Variants in FMNL2 observed in about 807,000 individuals in gnomAD.
FMNL2 encodes formin like 2.
A neutral mutation model predicts 130.2 loss-of-function variants in FMNL2; 51 were observed. The ratio of observed to expected loss-of-function variants is 0.39; its 90% CI spans 0.31 to 0.49. The LOEUF (loss-of-function observed/expected upper bound fraction) is 0.49, where lower values mean the gene tolerates loss of function less well. FMNL2 is among the 20% of genes least tolerant of loss of function. The pLI is 0.85. For synonymous variants in FMNL2, 465 were observed against 467.1 expected (o/e 1.00, Z 0.06); for missense variants, 977 against 1,316.2 (o/e 0.74, Z 3.99).
intron 25 of FMNL2, among the ~76,000 whole-genome samples, chr2:152,646,184 T>G (rs572396871): frequency 2.3e-4 from 34 of 147,744 alleles, no homozygotes; most frequent in African/African-American, 7.6e-4. Context: ...ACAAACAAAG[T>G]TAGCCAGGCA....
intron 25 of FMNL2, 142 bp downstream of exon 25, chr2:152,641,056 G>T (rs1363641340): frequency 1.8e-6 from 2 of 1,117,454 alleles, no homozygotes; most frequent in East Asian, 2.5e-5. Flanking sequence ...GTGATGCAGA[G>T]AGGCTTTGAA....
intron 1 of FMNL2, among the ~76,000 whole-genome samples, chr2:152,369,869 G>T (rs892403839): frequency 3.3e-5 from 5 of 152,190 alleles, no homozygotes; most frequent in Non-Finnish European, 7.3e-5. Flanking sequence ...TTATTTATAT[G>T]CATTTCCTTG....
intron 21 of FMNL2, among the ~76,000 whole-genome samples, chr2:152,632,699 G>C (rs1238385411): frequency 1.3e-5 from 2 of 152,190 alleles, no homozygotes; most frequent in African/African-American, 4.8e-5. Flanking sequence ...GAGGTTAAAT[G>C]TCTTGCCCAA....
intron 6 of FMNL2, among the ~76,000 whole-genome samples, chr2:152,562,214 C>T (rs1257035466): frequency 6.6e-6 from 1 of 152,130 alleles, no homozygotes; most frequent in African/African-American, 2.4e-5. Context: ...ACCTTCATTC[C>T]AAAATGTTGC....
At chr2:152,549,955 T>C (rs1471738344) in intron 4 of FMNL2, among the ~76,000 whole-genome samples, 1 of 152,232 alleles carries the variant, frequency 6.6e-6, no homozygotes, top group East Asian at 1.9e-4. Flanking sequence ...TGACATTCTT[T>C]GCAAGTCTAT....
chr2:152,626,380 AAAC>A, intron 16 of FMNL2, 142 bp from the exon 17 acceptor site: 6 of 688,234 alleles, frequency 8.7e-6, no homozygotes, highest in Non-Finnish European at 1.5e-5. Flanking sequence ...ACTATAACAA[AAAC>A]AAGAAAAATA....
At position 152,637,590 on chromosome 2, in the gene FMNL2, T is replaced by C. The variant is rs1682729564; in HGVS notation, c.2862T>C (p.Val954=). ...AKIAQDAFDD[V]VKYFGENPKT... ...CTTCACAGGATGCCTTTGATGATGTTGTGAAGTATTTTGGAGAAAACCCCA... is the reference window on the plus strand; with the variant it reads ...CTTCACAGGATGCCTTTGATGATGTCGTGAAGTATTTTGGAGAAAACCCCA... Residue 954 remains valine (V), a synonymous_variant, in exon 23 of 26, where the codon GTT becomes GTC. Coordinates refer to ENST00000288670, the MANE Select transcript of FMNL2 (RefSeq NM_052905.4). 6.2e-7 allele frequency: 1 copy of C among 1,613,996 alleles called. No individual in the cohort carries two copies. Among genetic ancestry groups the C allele is most frequent in the Non-Finnish European group, 8.5e-7 (1 of 1,179,876 alleles).
chr2:152,543,842 A>G (rs912995726), intron 3 of FMNL2, among the ~76,000 whole-genome samples: 5 of 151,812 alleles, frequency 3.3e-5, no homozygotes, highest in African/African-American at 1.2e-4. Context: ...AATAAAATCT[A>G]GTAGTGATGA....
At chr2:152,355,664 C>G (rs548357653) in intron 1 of FMNL2, among the ~76,000 whole-genome samples, 1 of 152,176 alleles carries the variant, frequency 6.6e-6, no homozygotes, top group Non-Finnish European at 1.5e-5. Flanking sequence ...TTTGTACAGG[C>G]CTTCTTTCCT....
rs1314991139 is a variant in FMNL2, at chr2:152,561,003, T to C, written c.564T>C (p.Ser188=). 1 of 1,603,208 alleles carries C rather than the reference T, an allele frequency of 6.2e-7. No homozygotes were observed. Among genetic ancestry groups the C allele is most frequent in the Admixed American group, 1.7e-5 (1 of 58,338 alleles). The part of the protein sequence containing the change: ...GSNLPSPVGN[S]VSRSGRHSAL... ...ACCTGCCCTCACCTGTGGGCAACAG[T>C]GTCTCCCGCTCTGGAAGACATTCTG... The change falls in exon 6 of 26, where the codon AGT becomes AGC. Residue 188 remains serine, a synonymous_variant. Transcript: ENST00000288670.
At position 152,340,344 on chromosome 2, in the gene FMNL2, C is replaced by T. The variant is rs1309361570; in HGVS notation, c.117+4624C>T. Among the ~76,000 whole-genome samples the T allele has an allele frequency of 3.3e-5, 5 of 152,278 alleles. No homozygotes were observed. The East Asian group carries it at 5.8e-4, about 18-fold the overall frequency. On this transcript the variant is annotated intron_variant, in intron 1 of 25. Transcript: ENST00000288670. ...GAACTGGGAAGAAAAAAAGGGCCTG[C>T]GACTAGCAGTAAAAAATTCCTGTCT...
At chr2:152,493,477 A>G (rs1691327460) in intron 1 of FMNL2, among the ~76,000 whole-genome samples, 2 of 152,212 alleles carry the variant, frequency 1.3e-5, no homozygotes, top group African/African-American at 4.8e-5. Context: ...TCTAAACCTC[A>G]TGTTGAAATG....
intron 4 of FMNL2, among the ~76,000 whole-genome samples, chr2:152,556,203 T>C (rs1695193708): frequency 6.6e-6 from 1 of 152,160 alleles, no homozygotes; most frequent in African/African-American, 2.4e-5. Context: ...GAAATGACTT[T>C]GCTAAGCTAA....
chr2:152,443,130 C>T (rs889491756), intron 1 of FMNL2, among the ~76,000 whole-genome samples: 3 of 152,064 alleles, frequency 2.0e-5, no homozygotes, highest in African/African-American at 4.8e-5. Context: ...TGATTAGAGA[C>T]GAGAAACGAA....
At chr2:152,553,338 G>C (rs904038314) in intron 4 of FMNL2, among the ~76,000 whole-genome samples, 1 of 152,118 alleles carries the variant, frequency 6.6e-6, no homozygotes, top group Admixed American at 6.5e-5. Flanking sequence ...TAAGCACGGT[G>C]TTAGGTACTT....
intron 1 of FMNL2, among the ~76,000 whole-genome samples, chr2:152,517,799 G>A (rs1692858396): frequency 6.6e-6 from 1 of 152,178 alleles, no homozygotes; most frequent in South Asian, 2.1e-4. Flanking sequence ...GTTACTTGGT[G>A]ATTAAGTTGT....
rs1580129680 is a variant in FMNL2 at position 152,626,549 on chromosome 2, G to A, written c.1987G>A (p.Glu663Lys). 1 of 1,609,108 alleles carries A rather than the reference G, an allele frequency of 6.2e-7. No individual in the cohort carries two copies. The highest frequency in any genetic ancestry group is 8.5e-7 in the Non-Finnish European group (1 of 1,177,492). ...LEDLNVDEFE[E>K]IFKTKAQGPA... ...GGATTTAAATGTGGATGAATTTGAGGAAATATTCAAGACAAAAGCCCAAGG... is the reference window on the plus strand; with the variant it reads ...GGATTTAAATGTGGATGAATTTGAGAAAATATTCAAGACAAAAGCCCAAGG... The change falls in exon 17 of 26, where the codon GAA becomes AAA. Residue 663 changes from glutamate (E) to lysine (K), a missense_variant. By Grantham distance (56) the Glu-to-Lys change is moderately conservative. Coordinates refer to ENST00000288670, the MANE Select transcript of FMNL2 (RefSeq NM_052905.4).
intron 1 of FMNL2, among the ~76,000 whole-genome samples, chr2:152,460,900 G>T (rs546953049): frequency 6.6e-6 from 1 of 152,020 alleles, no homozygotes; most frequent in Non-Finnish European, 1.5e-5. Flanking sequence ...TAATTATTTC[G>T]TTATATATTA....
chr2:152,494,684 C>T (rs1558911886), intron 1 of FMNL2, among the ~76,000 whole-genome samples: 1 of 152,104 alleles, frequency 6.6e-6, no homozygotes, highest in Admixed American at 6.5e-5. Context: ...TTTATCCTAA[C>T]AATTGCATGA....
Sources: allele counts gnomAD v4.1 joint callset (sites outside exome capture counted in the v4.1 genomes callset), GRCh38; gene constraint gnomAD v4.1.1; transcripts MANE v1.5; gene names NCBI Gene and HGNC (gene_info 2026-07-23, HGNC 2026-07-21).